The following UNKL variants were observed in gnomAD, a reference collection of about 807,000 sequenced individuals.
UNKL encodes the protein unk like zinc finger, also known as putative E3 ubiquitin-protein ligase UNKL.
Under a neutral mutation model 78.0 loss-of-function variants are expected in UNKL, and 60 were observed. The ratio of observed to expected loss-of-function variants is 0.77; its 90% CI spans 0.63 to 0.95. The LOEUF (loss-of-function observed/expected upper bound fraction) is 0.95, where lower values mean the gene tolerates loss of function less well. Ranked by LOEUF, UNKL falls within the 40% of genes least tolerant of loss-of-function variation. UNKL has a pLI of 0.00. For synonymous variants in UNKL, 608 were observed against 474.8 expected (o/e 1.28, Z -3.65); for missense variants, 1,159 against 1,045.7 (o/e 1.11, Z -1.49).
rs921456064 is a variant in UNKL, at chr16:1,375,066, G to A, written c.1265-3455C>T. On this transcript the variant is annotated intron_variant, in intron 10 of 14. Coordinates refer to ENST00000389221, the MANE Select transcript of UNKL (RefSeq NM_001372107.1). ...AGTCAGCGCCACGGGGACCATGGGAGCAACCACAGGGTGGCGGGTGGCCCC... is the reference window on the plus strand; with the variant it reads ...AGTCAGCGCCACGGGGACCATGGGAACAACCACAGGGTGGCGGGTGGCCCC... 2.0e-5 allele frequency among the ~76,000 whole-genome samples: 3 copies of A among 152,208 alleles called. No individual in the cohort carries two copies. In the South Asian group the frequency reaches 6.2e-4, roughly 31 times the overall value.
At chr16:1,372,535 C>T (rs551424487) in intron 10 of UNKL, among the ~76,000 whole-genome samples, 7 of 152,264 alleles carry the variant, frequency 4.6e-5, no homozygotes, top group South Asian at 2.1e-4. Context: ...AAGCAGGGAC[C>T]CCACTGCCCC....
At chr16:1,385,731 G>A (rs2036787933) in intron 9 of UNKL, among the ~76,000 whole-genome samples, 1 of 152,236 alleles carries the variant, frequency 6.6e-6, no homozygotes, top group Admixed American at 6.5e-5. Context: ...CAGCCCGAGG[G>A]GCAAGCCGTG....
At chr16:1,413,357 T>C (rs1223492677) in intron 2 of UNKL, among the ~76,000 whole-genome samples, 3 of 148,584 alleles carry the variant, frequency 2.0e-5, no homozygotes, top group Admixed American at 6.7e-5. Context: ...TCACCTGAGG[T>C]TGGGAGTTCG....
chr16:1,368,021 G>A, intron 12 of UNKL, 163 bp from the exon 13 acceptor site: 1 of 647,652 alleles, frequency 1.5e-6, no homozygotes, highest in Non-Finnish European at 2.7e-6. Context: ...CCCCACTCCT[G>A]GACCCCACCA....
intron 6 of UNKL, among the ~76,000 whole-genome samples, chr16:1,396,863 C>T (rs892614982): frequency 3.3e-5 from 5 of 152,298 alleles, no homozygotes; most frequent in East Asian, 3.9e-4. Context: ...GGATTACAGG[C>T]GTGAGCTACT....
chr16:1,380,871 C>T (rs1460381182), intron 10 of UNKL, among the ~76,000 whole-genome samples: 1 of 152,070 alleles, frequency 6.6e-6, no homozygotes, highest in Admixed American at 6.6e-5. Flanking sequence ...GATGGGGTTT[C>T]ACCATGTTGG....
rs1057005319 is a variant in UNKL, at chr16:1,386,706, T to C, written c.1087-1321A>G. On this transcript the variant is annotated intron_variant, in intron 9 of 14. Transcript: ENST00000389221. ...ACTGTCCATAATGAAGAAATTTTAA[T>C]GTGCATTTCCTAAAGATCAGAAATC... Among the ~76,000 whole-genome samples the C allele has an allele frequency of 2.0e-5, 3 of 152,198 alleles. No homozygotes were observed. In the South Asian group the frequency reaches 6.2e-4, roughly 31 times the overall value.
chr16:1,368,098 C>A (rs953501176), intron 12 of UNKL: 3 of 572,850 alleles, frequency 5.2e-6, no homozygotes, highest in Admixed American at 3.2e-5. Flanking sequence ...CTACGCCTTC[C>A]TGGCCACCTG....
At position 1,403,468 on chromosome 16, in the gene UNKL, C is replaced by G; in HGVS notation, c.288-124G>C. 1 of 1,202,478 alleles carries G rather than the reference C, an allele frequency of 8.3e-7. No individual in the cohort carries two copies. Among genetic ancestry groups the G allele is most frequent in the Non-Finnish European group, 1.1e-6 (1 of 872,034 alleles). 74.5% of individuals were successfully genotyped at this position (1,202,478 alleles called of 1,614,324 possible). A position where few individuals can be genotyped will look rare whatever the true frequency, so the allele number is the denominator to read the frequency against. ...AATTCCCTTCCCTTCTTCCAGATTC[C>G]TGTTCTAATCAGAAGGACGGACACA... On this transcript the variant is annotated intron_variant, in intron 2 of 14. Coordinates refer to ENST00000389221, the MANE Select transcript of UNKL (RefSeq NM_001372107.1). The surrounding 1 kb of genome is among the most constrained non-coding windows in gnomAD (Gnocchi z 4.8).
At chr16:1,378,204 A>ACAGACTCACTGAGGACAGCAGGGC (rs2036372057) in intron 10 of UNKL, among the ~76,000 whole-genome samples, 1 of 152,174 alleles carries the variant, frequency 6.6e-6, no homozygotes. Context: ...AGGGCCCTGG[A>ACAGACTCACTGAGGACAGCAGGGC]CAGACTCACT....
chr16:1,385,478 G>A (rs1048363051), intron 9 of UNKL, 93 bp from the exon 10 acceptor site: 45 of 1,227,620 alleles, frequency 3.7e-5, no homozygotes, highest in African/African-American at 2.2e-4. Flanking sequence ...GCGGGACGGC[G>A]GCCAACTTCT....
chr16:1,410,374 G>A (rs893957483), intron 2 of UNKL, among the ~76,000 whole-genome samples: 6 of 152,070 alleles, frequency 3.9e-5, no homozygotes, highest in South Asian at 2.1e-4. Flanking sequence ...TTGGGAGGCC[G>A]AGGCGGGTGG....
chr16:1,409,822 T>C (rs2037955541), intron 2 of UNKL, among the ~76,000 whole-genome samples: 1 of 152,128 alleles, frequency 6.6e-6, no homozygotes, highest in South Asian at 2.1e-4. Context: ...GGCTCATGTC[T>C]GTAATCCCAG....
Position 1,385,259 on chromosome 16 carries a change from C to T in UNKL, c.1213G>A (p.Ala405Thr), listed in dbSNP as rs996203560. ...SSPTALPAPP[A>T]RALPLGPASS... is the part of the protein sequence containing the mutation. ...GCGGGGCCGAGCGGGAGGGCACGGG[C>T]GGGGGGCGCGGGCAGCGCAGTGGGG... Residue 405 changes from alanine to threonine, a missense_variant, in exon 10 of 15, where the codon GCC (alanine) becomes ACC (threonine). Ala to Thr is a moderately conservative substitution (Grantham distance 58). Transcript: ENST00000389221. The T allele has an allele frequency of 1.5e-5, 20 of 1,308,832 alleles. No individual in the cohort carries two copies. The highest frequency in any genetic ancestry group is 2.9e-4 in the Middle Eastern group (1 of 3,474). 81.1% of individuals were successfully genotyped at this position (1,308,832 alleles called of 1,614,324 possible).
At chr16:1,392,458 G>A (rs1432137682) in intron 8 of UNKL, among the ~76,000 whole-genome samples, 1 of 151,450 alleles carries the variant, frequency 6.6e-6, no homozygotes, top group Non-Finnish European at 1.5e-5. Context: ...TGTTTGAGAT[G>A]GGGTCTTATT....
rs1479309573 is a variant in UNKL at position 1,365,561 on chromosome 16, C to A, written c.*679G>T. On this transcript the variant is annotated 3_prime_UTR_variant, in exon 15 of 15. Transcript: ENST00000389221. ...ACAGGCTCAGGAAAACTAGCTCCTT[C>A]CATCAAGTTAAAAACATCTCAATCC... 6.6e-6 allele frequency: 1 copy of A among 152,590 alleles called. No individual in the cohort carries two copies. Among genetic ancestry groups the A allele is most frequent in the African/African-American group, 2.4e-5 (1 of 41,450 alleles). 9.5% of individuals were successfully genotyped at this position (152,590 alleles called of 1,614,324 possible).
At chr16:1,400,023 G>C (rs776562255) in intron 4 of UNKL, among the ~76,000 whole-genome samples, 1 of 152,162 alleles carries the variant, frequency 6.6e-6, no homozygotes, top group Non-Finnish European at 1.5e-5. Flanking sequence ...GGAGGTGCAC[G>C]GCAGGGGAGG....
In UNKL at chr16:1,370,867, G is replaced by A. The variant is rs530231770; in HGVS notation, c.1358-510C>T. 1.5e-3 allele frequency among the ~76,000 whole-genome samples: 233 copies of A among 151,712 alleles called. 1 individual carries two copies. The highest frequency in any genetic ancestry group is 2.6e-3 in the Non-Finnish European group (173 of 67,832). On this transcript the variant is annotated intron_variant, in intron 11 of 14. Coordinates refer to ENST00000389221, the MANE Select transcript of UNKL (RefSeq NM_001372107.1). The stretch of plus-strand genomic sequence containing the variant: ...GGGAGGCCAAGGCGGGCAGATCACG[G>A]GGTCAGGAGATGGAGACCATCCTGG...
chr16:1,397,781 C>T (rs549381292), intron 5 of UNKL, among the ~76,000 whole-genome samples: 1,878 of 128,422 alleles, frequency 0.015, 50 homozygotes, highest in African/African-American at 0.055. Context: ...CTCCCCCACC[C>T]CGACCCCCGT....
Sources: gnomAD v4.1 joint callset for allele counts (sites outside exome capture counted in the v4.1 genomes callset) on GRCh38, gnomAD v4.1.1 for gene constraint, Gnocchi (gnomAD v3.1) non-coding constraint, MANE v1.5 for transcripts, NCBI Gene and HGNC (gene_info 2026-07-23, HGNC 2026-07-21) for gene names.